Variants in HUWE1 observed in about 807,000 individuals in gnomAD.
The protein encoded by HUWE1 is HECT, UBA and WWE domain containing E3 ubiquitin protein ligase 1.
In HUWE1, 18 loss-of-function variants were observed where a neutral mutation model predicts 299.4. The ratio of observed to expected loss-of-function variants is 0.06; its 90% CI spans 0.04 to 0.09. The LOEUF (loss-of-function observed/expected upper bound fraction) is 0.09, where lower values mean the gene tolerates loss of function less well. Among genes scored for constraint, HUWE1 ranks in the 10% least tolerant of loss-of-function variants. HUWE1 has a pLI of 1.00. For missense variants in HUWE1, 1,832 were observed against 3,462.3 expected (o/e 0.53, Z 11.82); for synonymous variants, 1,317 against 1,286.1 (o/e 1.02, Z -0.51).
Position 53,533,189 on chromosome X carries a change from G to A in HUWE1, c.*120C>T. On this transcript the variant is annotated 3_prime_UTR_variant, in exon 84 of 84. Coordinates refer to ENST00000262854, the MANE Select transcript of HUWE1 (RefSeq NM_031407.7). ...AGATGGGGCAGCTGGGACACACACG[G>A]TGAGTTGGTGGATTTCATTTATTGG... The A allele has an allele frequency of 1.9e-6, 1 of 515,198 alleles. No homozygotes were observed. 42.5% of individuals were successfully genotyped at this position (515,198 alleles called of 1,213,427 possible).
intron 18 of HUWE1, 34 bp from the exon 19 acceptor site, chrX:53,624,709 A>G: frequency 9.8e-7 from 1 of 1,016,730 alleles, no homozygotes; most frequent in South Asian, 1.9e-5. Flanking sequence ...GAGAATACGA[A>G]TAGTCTGGAA....
chrX:53,635,588 G>T (rs974259570), intron 7 of HUWE1, among the ~76,000 whole-genome samples: 6 of 112,045 alleles, frequency 5.4e-5, no homozygotes, highest in African/African-American at 1.6e-4. Flanking sequence ...AAAGTGCTGG[G>T]ATTACAGCTG....
At chrX:53,593,757 A>AT (rs2064288711) in intron 31 of HUWE1, among the ~76,000 whole-genome samples, 156 bp from the exon 32 acceptor site, 2 of 111,911 alleles carry the variant, frequency 1.8e-5, no homozygotes, top group Non-Finnish European at 3.8e-5. Context: ...CAGCTATACT[A>AT]TTTTTTTCTT....
intron 60 of HUWE1, among the ~76,000 whole-genome samples, chrX:53,555,830 C>T (rs958268091): frequency 4.6e-5 from 5 of 107,879 alleles, no homozygotes; most frequent in African/African-American, 1.4e-4. Context: ...TGAGTAGAGG[C>T]GGGGTTTCGC....
intron 3 of HUWE1, among the ~76,000 whole-genome samples, chrX:53,654,996 A>G (rs2068677671): frequency 8.9e-6 from 1 of 111,949 alleles, no homozygotes; most frequent in South Asian, 3.7e-4. Context: ...CAATCATTTT[A>G]TTAAGCCATG....
chrX:53,632,459 T>C (rs782659377), intron 9 of HUWE1, 28 bp downstream of exon 9: 14 of 1,086,793 alleles, frequency 1.3e-5, no homozygotes, highest in Non-Finnish European at 1.8e-5. Context: ...TTGTAGACTT[T>C]GTCAGAACAA....
chrX:53,630,408 A>C (rs2066795995), intron 12 of HUWE1, among the ~76,000 whole-genome samples: 1 of 111,752 alleles, frequency 8.9e-6, no homozygotes, highest in African/African-American at 3.3e-5. Flanking sequence ...TGAGTACCTC[A>C]ATATTAAACG....
intron 24 of HUWE1, 102 bp downstream of exon 24, chrX:53,608,750 A>G: frequency 1.7e-6 from 1 of 591,580 alleles, no homozygotes. Context: ...ATTGGATTCC[A>G]ATTAAAATGA....
intron 7 of HUWE1, among the ~76,000 whole-genome samples, chrX:53,641,434 GAATT>G (rs1173448761): frequency 1.8e-5 from 2 of 111,709 alleles, no homozygotes; most frequent in African/African-American, 6.5e-5. Flanking sequence ...ATGAGAAAGG[GAATT>G]ATTTCACAAA....
chrX:53,575,377 G>A lies in HUWE1; in HGVS notation c.6031-156C>T, dbSNP rs5933598. ...CACCTTTATACTATAATCTGTGGGA[G>A]GCTATTATAAATACAGTGACTGGGA... On this transcript the variant is annotated intron_variant, in intron 45 of 83. Coordinates refer to ENST00000262854, the MANE Select transcript of HUWE1 (RefSeq NM_031407.7). Among the ~76,000 whole-genome samples, 1,102 of 111,471 alleles carry A rather than the reference G, an allele frequency of 9.9e-3. 6 individuals are homozygous for A. The highest frequency in any genetic ancestry group is 0.016 in the Non-Finnish European group (827 of 53,043).
At chrX:53,564,427 G>A in intron 51 of HUWE1, 147 bp downstream of exon 51, 1 of 633,660 alleles carries the variant, frequency 1.6e-6, no homozygotes, top group Non-Finnish European at 2.5e-6. Flanking sequence ...CACATTTACT[G>A]AGCATCTACT....
In HUWE1 at chrX:53,591,123, CTACA is replaced by C. The variant is rs782250049; in HGVS notation, c.3973-5_3973-2del. On this transcript the variant is annotated splice_acceptor_variant and splice_polypyrimidine_tract_variant and intron_variant, in intron 33 of 83. Coordinates refer to ENST00000262854, the MANE Select transcript of HUWE1 (RefSeq NM_031407.7). LOFTEE classifies it high-confidence loss of function. ...CCCTTGTGAAGCCCATGTCCATGAG[CTACA>C]TAAAGAATGCAAGGGCTCAGAATCA... is the stretch of plus-strand genomic sequence containing the variant. The C allele has an allele frequency of 7.5e-6, 9 of 1,207,434 alleles. No individual in the cohort carries two copies. In the African/African-American group the frequency reaches 1.6e-4, roughly 21 times the overall value.
At chrX:53,534,223 G>A (rs370018819) in intron 82 of HUWE1, 26 bp from the exon 83 acceptor site, 36 of 1,163,444 alleles carry the variant, frequency 3.1e-5, no homozygotes, top group Non-Finnish European at 4.0e-5. Context: ...CATGAAGCCA[G>A]TGTTAGGTAG....
chrX:53,533,660 C>G, intron 83 of HUWE1: 2 of 441,567 alleles, frequency 4.5e-6, no homozygotes, highest in Non-Finnish European at 8.0e-6. Flanking sequence ...CGCCCATAGG[C>G]TAAAGTGCAA....
intron 50 of HUWE1, 108 bp from the exon 51 acceptor site, chrX:53,564,830 T>A (rs1478641551): frequency 1.9e-6 from 2 of 1,030,134 alleles, no homozygotes; most frequent in Non-Finnish European, 1.4e-6. Flanking sequence ...AGTTTGTAAG[T>A]TCTCAGAGAA....
In HUWE1 at chrX:53,576,795, T is replaced by C. The variant is rs1602756670; in HGVS notation, c.5884+105A>G. ...CTTATTCATCTTGAGCCCCAGAGTA[T>C]GGGCACATAGTGAGTGCTCACTAAG... is the stretch of plus-strand genomic sequence containing the variant. On this transcript the variant is annotated intron_variant, in intron 44 of 83. Transcript: ENST00000262854. 4 of 774,451 alleles carry C rather than the reference T, an allele frequency of 5.2e-6. No homozygotes were observed. The East Asian group carries it at 1.3e-4, about 25-fold the overall frequency. The allele number at this position is 774,451 out of a possible 1,213,427, so 63.8% of individuals were successfully genotyped here.
intron 19 of HUWE1, among the ~76,000 whole-genome samples, chrX:53,621,102 A>G (rs930692915): frequency 8.9e-5 from 10 of 111,958 alleles, no homozygotes; most frequent in African/African-American, 3.3e-4. Context: ...CCAGTTCTGG[A>G]ACCACCTTAT....
chrX:53,606,439 T>C (rs1436788430), intron 25 of HUWE1, among the ~76,000 whole-genome samples: 1 of 112,058 alleles, frequency 8.9e-6, no homozygotes, highest in Non-Finnish European at 1.9e-5. Flanking sequence ...AGAATGGCTA[T>C]TATCAAAAAA....
intron 43 of HUWE1, among the ~76,000 whole-genome samples, chrX:53,579,034 G>C (rs1269461538): frequency 2.5e-5 from 2 of 79,408 alleles, no homozygotes; most frequent in East Asian, 4.4e-4. Flanking sequence ...GGAGGCGGGG[G>C]GGGGGGTCGG....
Sources: gnomAD v4.1 joint callset for allele counts (sites outside exome capture counted in the v4.1 genomes callset) on GRCh38, gnomAD v4.1.1 for gene constraint, MANE v1.5 for transcripts, NCBI Gene and HGNC (gene_info 2026-07-23, HGNC 2026-07-21) for gene names.